The following PCDH15 variants were observed in gnomAD, a reference collection of about 807,000 sequenced individuals.
PCDH15 encodes the protein protocadherin related 15, also known as protocadherin-15.
A neutral mutation model predicts 178.5 loss-of-function variants in PCDH15; 129 were observed. That is an observed-to-expected ratio of 0.72 (90% CI 0.63 to 0.84). The LOEUF is 0.84. Ranked by LOEUF, PCDH15 falls within the 40% of genes least tolerant of loss-of-function variation. PCDH15 has a pLI of 0.00. For synonymous variants in PCDH15, 800 were observed against 732.0 expected, an observed-to-expected ratio of 1.09 and a Z score of -1.50; for missense variants, 2,230 against 2,099.9, an observed-to-expected ratio of 1.06 and a Z score of -1.21.
chr10:54,898,839 C>A (rs1458215590), intron 2 of PCDH15, among the ~76,000 whole-genome samples: 2 of 152,004 alleles, frequency 1.3e-5, no homozygotes, highest in Non-Finnish European at 2.9e-5. Flanking sequence ...TTAAAAAATA[C>A]AAAACTGGTA....
Position 53,857,192 on chromosome 10 carries a change from CT to C in PCDH15, c.3788del (p.Lys1263ArgfsTer2). 1.2e-6 allele frequency: 2 copies of C among 1,602,910 alleles called. No homozygotes were observed. The highest frequency in any genetic ancestry group is 1.7e-6 in the Non-Finnish European group (2 of 1,170,356). On this transcript the variant is annotated frameshift_variant, in exon 28 of 38. Coordinates refer to ENST00000644397, the MANE Select transcript of PCDH15 (RefSeq NM_001384140.1). LOFTEE classifies it high-confidence loss of function. ...SNVPPTLVEK[K>X]IEDLTEILDR... ...TCAATTACTCTGTAAGATCTTCTAT[CT>C]TTTTTTCCACTAGAGTAGGAGGCAC... is the stretch of plus-strand genomic sequence containing the variant.
chr10:53,971,777 G>A, intron 21 of PCDH15, among the ~76,000 whole-genome samples: 1 of 151,986 alleles, frequency 6.6e-6, no homozygotes, highest in Non-Finnish European at 1.5e-5. Context: ...CACGGCTCAA[G>A]GAAATAAAAG....
intron 2 of PCDH15, among the ~76,000 whole-genome samples, chr10:55,158,089 T>C (rs1838946386): frequency 8.3e-6 from 1 of 120,232 alleles, no homozygotes; most frequent in Non-Finnish European, 1.7e-5. Flanking sequence ...TATATATATA[T>C]ATATATATAC....
At chr10:54,079,277 C>T in intron 17 of PCDH15, 54 bp downstream of exon 17, 3 of 1,463,658 alleles carry the variant, frequency 2.0e-6, no homozygotes, top group Admixed American at 1.7e-5. Context: ...GTTTAAGACT[C>T]TCTCAGTTGC....
chr10:55,270,688 T>C (rs532238488), intron 1 of PCDH15, among the ~76,000 whole-genome samples: 2 of 152,296 alleles, frequency 1.3e-5, no homozygotes, highest in East Asian at 1.9e-4. Context: ...TTATACACTG[T>C]TGGTGAGAAT....
intron 15 of PCDH15, among the ~76,000 whole-genome samples, chr10:54,092,424 A>G (rs2094613958): frequency 6.6e-6 from 1 of 152,070 alleles, no homozygotes; most frequent in South Asian, 2.1e-4. Context: ...GGTAAAGTCT[A>G]TTGCTTTCTC....
At chr10:54,708,757 A>C (rs1211332780) in intron 1 of PCDH15, among the ~76,000 whole-genome samples, 2 of 151,100 alleles carry the variant, frequency 1.3e-5, no homozygotes, top group Non-Finnish European at 2.9e-5. Flanking sequence ...TGTCAGAATC[A>C]CCCCAATGCA....
At chr10:55,556,761 G>A (rs541213929) in intron 2 of PCDH15, among the ~76,000 whole-genome samples, 3 of 152,156 alleles carry the variant, frequency 2.0e-5, no homozygotes, top group African/African-American at 7.2e-5. Flanking sequence ...GAATCGCTTG[G>A]ACCCGGGAGG....
chr10:54,607,788 G>A (rs1177148722), intron 2 of PCDH15: 1 of 489,096 alleles, frequency 2.0e-6, no homozygotes, highest in Non-Finnish European at 4.1e-6. Context: ...CTACTACAAA[G>A]AATTTTTATA....
At chr10:54,008,880 A>C (rs2092474195) in intron 20 of PCDH15, among the ~76,000 whole-genome samples, 1 of 152,228 alleles carries the variant, frequency 6.6e-6, no homozygotes, top group Non-Finnish European at 1.5e-5. Flanking sequence ...TAGTCTATAT[A>C]GATCACTCTC....
intron 2 of PCDH15, among the ~76,000 whole-genome samples, chr10:54,949,931 A>G (rs761913809): frequency 1.3e-5 from 2 of 152,002 alleles, no homozygotes; most frequent in Admixed American, 6.6e-5. Context: ...ATTTTGGTCA[A>G]AGCCATTCAA....
chr10:54,819,240 A>C (rs1952997702), intron 3 of PCDH15, among the ~76,000 whole-genome samples: 1 of 152,072 alleles, frequency 6.6e-6, no homozygotes, highest in Non-Finnish European at 1.5e-5. Context: ...AACTGATAGA[A>C]TAAGGAAATA....
intron 1 of PCDH15, among the ~76,000 whole-genome samples, chr10:55,227,439 A>G (rs1841081464): frequency 1.5e-5 from 2 of 135,024 alleles, no homozygotes; most frequent in Non-Finnish European, 3.2e-5. Flanking sequence ...CAACACAAGA[A>G]AGAAACATAG....
intron 8 of PCDH15, among the ~76,000 whole-genome samples, chr10:54,306,113 A>ACACC (rs1313514903): frequency 6.6e-6 from 1 of 151,220 alleles, no homozygotes; most frequent in Non-Finnish European, 1.5e-5. Context: ...AACCTGGTAG[A>ACACC]CACCCATAGT....
At position 55,422,145 on chromosome 10, in the gene PCDH15, A is replaced by C. The variant is rs572088981; in HGVS notation, c.-156+205480T>G. Among the ~76,000 whole-genome samples the C allele has an allele frequency of 4.0e-5, 6 of 151,896 alleles. No individual in the cohort carries two copies. The South Asian group carries it at 1.2e-3, about 32-fold the overall frequency. On this transcript the variant is annotated intron_variant, in intron 2 of 5. Coordinates refer to the PCDH15 transcript ENST00000613346. ...TTCACCGCTACCCACAGCCCATAACAACCACCAATCTAAAAACTGTTTCTA... is the reference window on the plus strand; with the variant it reads ...TTCACCGCTACCCACAGCCCATAACCACCACCAATCTAAAAACTGTTTCTA...
chr10:54,786,900 A>G (rs1301324170), intron 1 of PCDH15, among the ~76,000 whole-genome samples: 1 of 151,822 alleles, frequency 6.6e-6, no homozygotes, highest in African/African-American at 2.4e-5. Flanking sequence ...TATAACTTGT[A>G]TCCATTGCAA....
chr10:54,805,299 G>T (rs370290631), upstream of PCDH15, among the ~76,000 whole-genome samples: 1 of 151,906 alleles, frequency 6.6e-6, no homozygotes, highest in Non-Finnish European at 1.5e-5. Flanking sequence ...CTGAATGAAG[G>T]CCTCTGCAGT....
At chr10:55,005,093 G>A (rs920216359) in intron 2 of PCDH15, among the ~76,000 whole-genome samples, 4 of 151,880 alleles carry the variant, frequency 2.6e-5, no homozygotes, top group South Asian at 2.1e-4. Flanking sequence ...TGAATGGAGC[G>A]AGGGGTGATG....
chr10:55,146,125 A>G (rs1205820306), intron 2 of PCDH15, among the ~76,000 whole-genome samples: 2 of 151,986 alleles, frequency 1.3e-5, no homozygotes, highest in African/African-American at 2.4e-5. Context: ...ACTAACCACT[A>G]TACCTTTTGT....
Sources: gnomAD v4.1 joint callset for allele counts (sites outside exome capture counted in the v4.1 genomes callset) on GRCh38, gnomAD v4.1.1 for gene constraint, MANE v1.5 for transcripts, NCBI Gene and HGNC (gene_info 2026-07-23, HGNC 2026-07-21) for gene names.